The following NHSL2 variants were observed in gnomAD, a reference collection of about 807,000 sequenced individuals.
NHSL2 encodes NHS like 2.
A neutral mutation model predicts 53.4 loss-of-function variants in NHSL2; 27 were observed. The ratio of observed to expected loss-of-function variants is 0.51; its 90% CI spans 0.37 to 0.70. The LOEUF (loss-of-function observed/expected upper bound fraction) is 0.70. Ranked by LOEUF, NHSL2 falls within the 30% of genes least tolerant of loss-of-function variation. NHSL2 has a pLI of 0.00. For missense variants in NHSL2, 892 were observed against 980.1 expected, an observed-to-expected ratio of 0.91 and a Z score of 1.20; for synonymous variants, 408 against 404.1, an observed-to-expected ratio of 1.01 and a Z score of -0.12.
intron 1 of NHSL2, among the ~76,000 whole-genome samples, chrX:72,108,731 C>A (rs766166127): frequency 2.1e-4 from 23 of 112,106 alleles, no homozygotes; most frequent in Middle Eastern, 4.6e-3. Flanking sequence ...AATTTGAGGA[C>A]ATGCGGGTCC....
intron 1 of NHSL2, among the ~76,000 whole-genome samples, chrX:71,978,466 G>T (rs2041958597): frequency 1.8e-5 from 2 of 112,092 alleles, no homozygotes; most frequent in Non-Finnish European, 3.8e-5. Context: ...AGCCCAAAAA[G>T]CCACTCGCTA....
intron 1 of NHSL2, among the ~76,000 whole-genome samples, chrX:71,996,995 G>A (rs1281441321): frequency 2.7e-5 from 3 of 112,633 alleles, no homozygotes; most frequent in Non-Finnish European, 3.8e-5. Context: ...GGCGGTGTGC[G>A]AGTTACTCCA....
At chrX:72,135,897 G>A (rs867789633) in intron 4 of NHSL2, among the ~76,000 whole-genome samples, 8 of 111,189 alleles carry the variant, frequency 7.2e-5, no homozygotes, top group Middle Eastern at 4.2e-3. Context: ...ATAGCCAGGC[G>A]TGGTGGCGCA....
chrX:72,058,236 A>G, intron 1 of NHSL2, among the ~76,000 whole-genome samples: 1 of 113,099 alleles, frequency 8.8e-6, no homozygotes, highest in East Asian at 2.8e-4. Flanking sequence ...AACAGCTCAC[A>G]GTATTTGTTA....
chrX:72,056,114 A>G (rs2042368021), intron 1 of NHSL2, among the ~76,000 whole-genome samples: 1 of 112,032 alleles, frequency 8.9e-6, no homozygotes, highest in South Asian at 3.7e-4. Flanking sequence ...TTTTTTTAAA[A>G]GCGGACATTT....
intron 1 of NHSL2, among the ~76,000 whole-genome samples, chrX:71,922,211 C>T (rs192449900): frequency 2.7e-5 from 3 of 112,332 alleles, no homozygotes; most frequent in African/African-American, 6.5e-5. Context: ...TCTAGGCCAA[C>T]ACTCACCCAG....
intron 1 of NHSL2, among the ~76,000 whole-genome samples, chrX:72,062,282 T>C (rs1292187485): frequency 8.9e-6 from 1 of 112,498 alleles, no homozygotes; most frequent in Non-Finnish European, 1.9e-5. Flanking sequence ...GGAGAAAATA[T>C]TAGAATTTCT....
chrX:71,923,130 C>T (rs1247258406), intron 1 of NHSL2, among the ~76,000 whole-genome samples: 1 of 111,066 alleles, frequency 9.0e-6, no homozygotes, highest in Non-Finnish European at 1.9e-5. Context: ...ATATTTATTT[C>T]ACTCTCGTAA....
At chrX:71,938,164 C>T (rs2041748022) in intron 1 of NHSL2, among the ~76,000 whole-genome samples, 2 of 112,192 alleles carry the variant, frequency 1.8e-5, no homozygotes, top group Non-Finnish European at 3.8e-5. Context: ...AACATATGAA[C>T]ATGACTTGCT....
chrX:71,933,232 G>A lies in NHSL2; in HGVS notation c.280+21865G>A, dbSNP rs1042393993. 6.3e-5 allele frequency among the ~76,000 whole-genome samples: 7 copies of A among 111,692 alleles called. 1 individual carries two copies. The highest frequency in any genetic ancestry group is 2.0e-4 in the African/African-American group (6 of 30,657). On this transcript the variant is annotated intron_variant, in intron 1 of 7. Coordinates refer to ENST00000633930, the MANE Select transcript of NHSL2 (RefSeq NM_001013627.3). The stretch of plus-strand genomic sequence containing the variant: ...ACTGCCTCTTTTCCCAGTGAGAGTC[G>A]CCCTGTCCAAAAGCCTTCCTTTTTC...
intron 1 of NHSL2, among the ~76,000 whole-genome samples, chrX:72,049,033 GGAAGA>G (rs1569475305): frequency 4.5e-4 from 40 of 89,508 alleles, no homozygotes; most frequent in African/African-American, 2.6e-3. Flanking sequence ...AAGAGGAAGA[GGAAGA>G]GGAAGAAGAA....
chrX:72,105,725 G>A (rs748510505), intron 1 of NHSL2, among the ~76,000 whole-genome samples: 2 of 111,835 alleles, frequency 1.8e-5, no homozygotes, highest in South Asian at 7.5e-4. Context: ...GAGCTACCCA[G>A]GAAATGCAAT....
At chrX:71,984,451 G>A (rs1397649379) in intron 1 of NHSL2, among the ~76,000 whole-genome samples, 2 of 111,829 alleles carry the variant, frequency 1.8e-5, no homozygotes. Context: ...GCTAATATGG[G>A]GTTGCTAGCC....
intron 1 of NHSL2, among the ~76,000 whole-genome samples, chrX:72,051,136 T>G (rs1569475527): frequency 8.9e-6 from 1 of 112,217 alleles, no homozygotes; most frequent in Non-Finnish European, 1.9e-5. Context: ...AGTGTTATGT[T>G]TTTTGGTATC....
At chrX:71,959,069 A>C (rs1415492728) in intron 1 of NHSL2, among the ~76,000 whole-genome samples, 1 of 112,261 alleles carries the variant, frequency 8.9e-6, no homozygotes, top group African/African-American at 3.2e-5. Context: ...CAGTTAGGCA[A>C]CCTATTCTCC....
Position 72,030,909 on chromosome X carries a change from G to A in NHSL2, c.281-101170G>A, listed in dbSNP as rs2042211550. On this transcript the variant is annotated intron_variant, in intron 1 of 7. Transcript: ENST00000633930. The stretch of plus-strand genomic sequence containing the variant: ...CAACTACCCAATGCAGGTAGGAGTG[G>A]GCTCCCAAATACTCCCAGTTCCAGC... Among the ~76,000 whole-genome samples the A allele has an allele frequency of 2.7e-5, 3 of 111,544 alleles. No homozygotes were observed. In the South Asian group the frequency reaches 1.1e-3, roughly 42 times the overall value.
intron 1 of NHSL2, among the ~76,000 whole-genome samples, chrX:72,125,879 G>A (rs190279122): frequency 8.9e-6 from 1 of 112,419 alleles, no homozygotes; most frequent in African/African-American, 3.2e-5. Flanking sequence ...TGCGTGCTTC[G>A]TTGCTTTGGC....
In NHSL2 at chrX:72,139,527, G is replaced by A; in HGVS notation, c.1979G>A (p.Gly660Asp). ...CTGTCCAGCTCCAGCACTGCCACTGGCACCACAGTCATTGAGTGCACCCAA... is the reference window on the plus strand; with the variant it reads ...CTGTCCAGCTCCAGCACTGCCACTGACACCACAGTCATTGAGTGCACCCAA... ...QSLSSSSTAT[G>D]TTVIECTQVQ... is the part of the protein sequence containing the mutation. Residue 660 changes from glycine to aspartate, a missense_variant, in exon 6 of 8, where the codon GGC (glycine) becomes GAC (aspartate). Coordinates refer to ENST00000633930, the MANE Select transcript of NHSL2 (RefSeq NM_001013627.3). 8.3e-7 allele frequency: 1 copy of A among 1,211,202 alleles called. No individual in the cohort carries two copies. Among genetic ancestry groups the A allele is most frequent in the Admixed American group, 2.2e-5 (1 of 46,050 alleles).
chrX:72,050,661 A>G (rs548097613), intron 1 of NHSL2, among the ~76,000 whole-genome samples: 2 of 111,344 alleles, frequency 1.8e-5, no homozygotes, highest in African/African-American at 6.5e-5. Flanking sequence ...TGGGAGCCTG[A>G]GGTGAGTGGA....
Sources: allele counts gnomAD v4.1 joint callset (sites outside exome capture counted in the v4.1 genomes callset), GRCh38; gene constraint gnomAD v4.1.1; transcripts MANE v1.5; gene names NCBI Gene and HGNC (gene_info 2026-07-23, HGNC 2026-07-21).